Variants in RHEX observed in about 807,000 individuals in gnomAD.
The protein encoded by RHEX is regulator of hemoglobinization and erythroid cell expansion, also known as regulator of hemoglobinization and erythroid cell expansion protein.
In RHEX, 18 loss-of-function variants were observed where a neutral mutation model predicts 20.1. The observed-to-expected ratio is 0.90, with a 90% confidence interval of 0.62 to 1.33. The LOEUF is 1.33. Ranked by LOEUF, RHEX falls within the 40% of genes most tolerant of loss-of-function variation. RHEX has a pLI of 0.00. For missense variants in RHEX, 192 were observed against 214.3 expected (o/e 0.90, Z 0.65); for synonymous variants, 87 against 77.1 (o/e 1.13, Z -0.67).
chr1:206,069,581 G>T (rs573883184), intron 1 of RHEX, among the ~76,000 whole-genome samples: 83 of 152,346 alleles, frequency 5.4e-4, no homozygotes, highest in African/African-American at 2.0e-3. Flanking sequence ...GAAAGTTTCA[G>T]GTTCCAGGAA....
At chr1:206,074,158 T>G (rs1311269667) in intron 1 of RHEX, among the ~76,000 whole-genome samples, 1 of 152,200 alleles carries the variant, frequency 6.6e-6, no homozygotes, top group Non-Finnish European at 1.5e-5. Flanking sequence ...TGGGACCTTC[T>G]CTGACCAAAG....
rs1204097921 is a variant in RHEX, at chr1:206,102,180, G to A, written c.*228G>A. 1.8e-6 allele frequency: 1 copy of A among 553,588 alleles called. No individual in the cohort carries two copies. The allele number at this position is 553,588 out of a possible 1,614,324, so 34.3% of individuals were successfully genotyped here. A position where few individuals can be genotyped will look rare whatever the true frequency, so the allele number is the denominator to read the frequency against. On this transcript the variant is annotated 3_prime_UTR_variant, in exon 6 of 6. Coordinates refer to ENST00000331555, the MANE Select transcript of RHEX (RefSeq NM_001007544.4). ...TTCGTTCCTCAAAAACAAAAACAAG[G>A]CTTGGCTGGGAAAACAGGCCAATGC...
chr1:206,089,216 A>AT (rs1662898697), intron 1 of RHEX, among the ~76,000 whole-genome samples: 2 of 151,568 alleles, frequency 1.3e-5, no homozygotes, highest in African/African-American at 4.9e-5. Context: ...GGGTTAAAAC[A>AT]TTTTTTGTAG....
intron 1 of RHEX, among the ~76,000 whole-genome samples, chr1:206,059,820 T>C (rs1255947277): frequency 2.0e-5 from 3 of 152,136 alleles, no homozygotes; most frequent in Non-Finnish European, 4.4e-5. Flanking sequence ...GGAGAAATTC[T>C]TTCCTGGTGT....
chr1:206,083,402 C>A, intron 1 of RHEX: 2 of 544,082 alleles, frequency 3.7e-6, no homozygotes, highest in Non-Finnish European at 4.7e-6. Flanking sequence ...TACCAGGGAG[C>A]TGGGCAGAGC....
At chr1:206,058,217 T>C (rs1454171648) in intron 1 of RHEX, among the ~76,000 whole-genome samples, 5 of 152,266 alleles carry the variant, frequency 3.3e-5, no homozygotes, top group Non-Finnish European at 2.9e-5. Flanking sequence ...AGAGTAATAA[T>C]AGTAATAGGA....
intron 1 of RHEX, among the ~76,000 whole-genome samples, chr1:206,075,383 A>C (rs560930484): frequency 6.6e-6 from 1 of 152,342 alleles, no homozygotes; most frequent in African/African-American, 2.4e-5. Context: ...ATGTCACTTA[A>C]TGGTATGCTG....
chr1:206,053,242 T>G lies in RHEX; in HGVS notation c.-120T>G, dbSNP rs1553282049. 6.5e-6 allele frequency: 1 copy of G among 152,792 alleles called. No individual in the cohort carries two copies. The highest frequency in any genetic ancestry group is 1.5e-5 in the Non-Finnish European group (1 of 68,476). 9.5% of individuals were successfully genotyped at this position (152,792 alleles called of 1,614,324 possible). A position where few individuals can be genotyped will look rare whatever the true frequency, so the allele number is the denominator to read the frequency against. The stretch of plus-strand genomic sequence containing the variant: ...TGAACACCGGGAAGGAACTGGCACT[T>G]GGAGTCCGGACATCTGAAACTTGGT... On this transcript the variant is annotated 5_prime_UTR_variant, in exon 1 of 6. Transcript: ENST00000331555.
At chr1:206,096,785 T>TTTG (rs1663080678) in intron 1 of RHEX, among the ~76,000 whole-genome samples, 1 of 147,482 alleles carries the variant, frequency 6.8e-6, no homozygotes, top group African/African-American at 2.6e-5. Context: ...TTTTTGGTTT[T>TTTG]TTTTTTTGAG....
intron 1 of RHEX, among the ~76,000 whole-genome samples, chr1:206,057,051 G>C (rs1381234639): frequency 1.3e-5 from 2 of 152,234 alleles, no homozygotes; most frequent in African/African-American, 2.4e-5. Context: ...TGATGGAAAA[G>C]GACTAGATCC....
In RHEX at chr1:206,064,441, G is replaced by C. The variant is rs1216257196; in HGVS notation, c.-97+11176G>C. ...CCGCCCCGTCCGGGAGGGAGGTGGG[G>C]GGGTCAGCCCCCCGCCCGACCAGCC... On this transcript the variant is annotated intron_variant, in intron 1 of 5. Coordinates refer to ENST00000331555, the MANE Select transcript of RHEX (RefSeq NM_001007544.4). Among the ~76,000 whole-genome samples, 9 of 89,774 alleles carry C rather than the reference G, an allele frequency of 1.0e-4. 1 individual carries two copies. The highest frequency in any genetic ancestry group is 5.2e-4 in the African/African-American group (9 of 17,190). 58.9% of individuals were successfully genotyped at this position (89,774 alleles called of 152,430 possible).
chr1:206,065,274 T>TAA (rs59452601), intron 1 of RHEX, among the ~76,000 whole-genome samples: 93 of 141,778 alleles, frequency 6.6e-4, no homozygotes, highest in African/African-American at 2.2e-3. Flanking sequence ...AATGATCAAT[T>TAA]AAAAAAAAAA....
At chr1:206,061,300 T>G (rs1553283299) in intron 1 of RHEX, 1 of 152,146 alleles carries the variant, frequency 6.6e-6, no homozygotes, top group African/African-American at 2.4e-5. Context: ...TAAAGATGGT[T>G]ATTAACCCAA....
chr1:206,099,022 C>T (rs1412258792), intron 3 of RHEX, among the ~76,000 whole-genome samples: 4 of 152,128 alleles, frequency 2.6e-5, no homozygotes, highest in African/African-American at 7.2e-5. Context: ...GGGAGTGAGG[C>T]GTGAACTCTA....
intron 1 of RHEX, among the ~76,000 whole-genome samples, chr1:206,077,633 A>C (rs74144327): frequency 6.6e-6 from 1 of 152,144 alleles, no homozygotes; most frequent in Non-Finnish European, 1.5e-5. Flanking sequence ...TTAGCAGGGC[A>C]TGGTGGTGAG....
chr1:206,065,421 A>G (rs890773432), intron 1 of RHEX, among the ~76,000 whole-genome samples: 10 of 152,210 alleles, frequency 6.6e-5, no homozygotes, highest in Non-Finnish European at 2.9e-5. Context: ...AGGCAGCTAG[A>G]AGGCAGGACT....
chr1:206,090,455 C>T (rs1662925517), intron 1 of RHEX, among the ~76,000 whole-genome samples: 1 of 152,048 alleles, frequency 6.6e-6, no homozygotes, highest in African/African-American at 2.4e-5. Flanking sequence ...GATCCACCCT[C>T]CTTGGCCTCC....
intron 1 of RHEX, among the ~76,000 whole-genome samples, chr1:206,093,328 G>A (rs1170131886): frequency 6.6e-6 from 1 of 150,900 alleles, no homozygotes; most frequent in African/African-American, 2.4e-5. Flanking sequence ...CTGGAGTACA[G>A]TGGCGTGATC....
chr1:206,072,123 G>A (rs913111325), intron 1 of RHEX, among the ~76,000 whole-genome samples: 23 of 152,050 alleles, frequency 1.5e-4, no homozygotes, highest in Non-Finnish European at 7.4e-5. Flanking sequence ...ATTTCCTTAA[G>A]GAGCTGATGA....
Sources: allele counts gnomAD v4.1 joint callset (sites outside exome capture counted in the v4.1 genomes callset), GRCh38; gene constraint gnomAD v4.1.1; transcripts MANE v1.5; gene names NCBI Gene and HGNC (gene_info 2026-07-23, HGNC 2026-07-21).